Variants in TNRC6B observed in about 807,000 individuals in gnomAD.
TNRC6B encodes the protein trinucleotide repeat containing adaptor 6B, also known as trinucleotide repeat-containing gene 6B protein.
TNRC6B carries 52 observed loss-of-function variants against 203.6 expected under a neutral mutation model. The observed-to-expected ratio is 0.26, with a 90% CI of 0.20 to 0.32. TNRC6B has a LOEUF of 0.32. TNRC6B is among the 10% of genes least tolerant of loss of function. TNRC6B has a pLI of 1.00. For missense variants in TNRC6B, 1,923 were observed against 2,286.2 expected (o/e 0.84, Z 3.24); for synonymous variants, 838 against 845.7 (o/e 0.99, Z 0.16).
rs188992532 is a variant in TNRC6B, at chr22:40,324,072, C to T, written c.*831C>T. The stretch of plus-strand genomic sequence containing the variant: ...TTTTAACTATGAGAACACACAGGCC[C>T]GGAGAGCCACTGCTACTAAAGCAAC... On this transcript the variant is annotated 3_prime_UTR_variant, in exon 23 of 23. Transcript: ENST00000454349. The T allele has an allele frequency of 3.3e-5, 5 of 152,684 alleles. No homozygotes were observed. The highest frequency in any genetic ancestry group is 7.2e-5 in the African/African-American group (3 of 41,532). 9.5% of individuals were successfully genotyped at this position (152,684 alleles called of 1,614,324 possible).
At chr22:40,195,076 TGAA>T (rs2069319596) in intron 1 of TNRC6B, among the ~76,000 whole-genome samples, 1 of 152,228 alleles carries the variant, frequency 6.6e-6, no homozygotes, top group African/African-American at 2.4e-5. Context: ...TCCTTCTGTG[TGAA>T]GAAGAATTAT....
chr22:40,282,941 C>T (rs2070736375), intron 11 of TNRC6B, among the ~76,000 whole-genome samples: 1 of 152,132 alleles, frequency 6.6e-6, no homozygotes. Context: ...TCTTGTACAA[C>T]AGTAGAGCTT....
intron 2 of TNRC6B, among the ~76,000 whole-genome samples, chr22:40,123,610 G>C (rs559318806): frequency 1.3e-5 from 2 of 152,362 alleles, no homozygotes; most frequent in Non-Finnish European, 2.9e-5. Context: ...GGAGAATGGA[G>C]CGTGGGTCTG....
chr22:40,154,873 A>ATG (rs2068804102), intron 3 of TNRC6B, among the ~76,000 whole-genome samples: 1 of 47,656 alleles, frequency 2.1e-5, no homozygotes, highest in South Asian at 7.1e-4. Flanking sequence ...ATATATATAT[A>ATG]TATATATATA....
chr22:40,244,454 G>A (rs1027156860), intron 1 of TNRC6B, among the ~76,000 whole-genome samples: 1 of 151,090 alleles, frequency 6.6e-6, no homozygotes, highest in African/African-American at 2.4e-5. Flanking sequence ...AGGTAAAAAA[G>A]TTTTTTAAGT....
At chr22:40,061,988 C>A (rs749814039) in intron 1 of TNRC6B, among the ~76,000 whole-genome samples, 2 of 151,910 alleles carry the variant, frequency 1.3e-5, no homozygotes, top group Non-Finnish European at 2.9e-5. Flanking sequence ...GCAGGAGAAT[C>A]GCTTGAATCT....
chr22:40,126,458 C>G (rs1437125746), intron 3 of TNRC6B, among the ~76,000 whole-genome samples: 1 of 151,948 alleles, frequency 6.6e-6, no homozygotes, highest in Non-Finnish European at 1.5e-5. Context: ...TCCACATGTA[C>G]CCAGTGTTTA....
intron 1 of TNRC6B, among the ~76,000 whole-genome samples, chr22:40,236,500 G>C (rs145226520): frequency 1.1e-4 from 17 of 152,252 alleles, no homozygotes; most frequent in African/African-American, 4.1e-4. Context: ...CCCGTGTTGG[G>C]TGGCTCTCTT....
At chr22:40,172,819 T>C (rs908364631) in intron 4 of TNRC6B, among the ~76,000 whole-genome samples, 2 of 152,238 alleles carry the variant, frequency 1.3e-5, no homozygotes, top group African/African-American at 4.8e-5. Flanking sequence ...TAGTGGCTCA[T>C]TCTTTGAAGA....
intron 3 of TNRC6B, among the ~76,000 whole-genome samples, chr22:40,150,184 T>C (rs1182225571): frequency 6.6e-6 from 1 of 152,114 alleles, no homozygotes; most frequent in Non-Finnish European, 1.5e-5. Context: ...AAGACCATCC[T>C]GGCTAACACG....
chr22:40,099,114 G>A (rs183220209), intron 1 of TNRC6B, among the ~76,000 whole-genome samples: 29 of 152,158 alleles, frequency 1.9e-4, no homozygotes, highest in Non-Finnish European at 3.2e-4. Flanking sequence ...GCCGGGCACC[G>A]TGGTGGACGC....
Position 40,215,314 on chromosome 22 carries a change from T to C in TNRC6B, c.6-30701T>C, listed in dbSNP as rs1470875905. On this transcript the variant is annotated intron_variant, in intron 1 of 22. Transcript: ENST00000454349. Reference sequence around the variant, plus strand: ...TCATGTGTGATTTATCAGTTAAGTGTGTGTTTCTCAGCCCCAAGCCCCCAT... The same window carrying C: ...TCATGTGTGATTTATCAGTTAAGTGCGTGTTTCTCAGCCCCAAGCCCCCAT... 2.6e-5 allele frequency among the ~76,000 whole-genome samples: 4 copies of C among 152,176 alleles called. No individual in the cohort carries two copies. In the East Asian group the frequency reaches 7.7e-4, roughly 29 times the overall value.
At chr22:40,225,689 G>A (rs946383440) in intron 1 of TNRC6B, among the ~76,000 whole-genome samples, 1 of 127,704 alleles carries the variant, frequency 7.8e-6, no homozygotes, top group African/African-American at 2.8e-5. Context: ...GTTGCAGTGA[G>A]CCAAAATCGT....
In TNRC6B at chr22:40,323,468, C is replaced by G; in HGVS notation, c.*227C>G. The G allele has an allele frequency of 2.1e-6, 1 of 469,424 alleles. No homozygotes were observed. 29.1% of individuals were successfully genotyped at this position (469,424 alleles called of 1,614,324 possible). A position where few individuals can be genotyped will look rare whatever the true frequency, so the allele number is the denominator to read the frequency against. On this transcript the variant is annotated 3_prime_UTR_variant, in exon 23 of 23. Coordinates refer to ENST00000454349, the MANE Select transcript of TNRC6B (RefSeq NM_001162501.2). ...ATATGAATCCAAAAAGAGAACATAT[C>G]ACTCTTGAAATACTTGAATCATGAA... is the stretch of plus-strand genomic sequence containing the variant.
chr22:40,301,554 T>C, intron 15 of TNRC6B: 1 of 551,162 alleles, frequency 1.8e-6, no homozygotes, highest in South Asian at 2.6e-5. Flanking sequence ...GGCCTCTAAC[T>C]TCTCTGGCTC....
intron 1 of TNRC6B, among the ~76,000 whole-genome samples, chr22:40,092,054 C>T (rs572877057): frequency 5.3e-5 from 8 of 152,084 alleles, no homozygotes; most frequent in Non-Finnish European, 1.0e-4. Context: ...TGAAGAGTCA[C>T]AAAACACTCA....
At chr22:40,228,712 G>A (rs1477077343) in intron 1 of TNRC6B, among the ~76,000 whole-genome samples, 1 of 151,434 alleles carries the variant, frequency 6.6e-6, no homozygotes, top group Non-Finnish European at 1.5e-5. Context: ...TTTTAGTAGG[G>A]ACGGCGTTTC....
At chr22:40,089,783 G>A (rs1404782295) in intron 1 of TNRC6B, among the ~76,000 whole-genome samples, 1 of 152,164 alleles carries the variant, frequency 6.6e-6, no homozygotes, top group African/African-American at 2.4e-5. Flanking sequence ...ATGATGGCAT[G>A]TATCCATCAT....
intron 8 of TNRC6B, 46 bp downstream of exon 8, chr22:40,277,197 G>T (rs774568732): frequency 7.0e-7 from 1 of 1,437,874 alleles, no homozygotes; most frequent in South Asian, 1.3e-5. Flanking sequence ...CAACTTTTAG[G>T]TTTAATATTA....
Sources: allele counts gnomAD v4.1 joint callset (sites outside exome capture counted in the v4.1 genomes callset), GRCh38; gene constraint gnomAD v4.1.1; transcripts MANE v1.5; gene names NCBI Gene and HGNC (gene_info 2026-07-23, HGNC 2026-07-21).